VPS13C: variants seen among roughly 807,000 people sequenced by gnomAD.
VPS13C encodes the protein vacuolar protein sorting 13 homolog C.
Under a neutral mutation model 456.8 loss-of-function variants are expected in VPS13C, and 358 were observed. The observed-to-expected ratio is 0.78, with a 90% confidence interval of 0.72 to 0.86. The LOEUF is 0.86. Ranked by LOEUF, VPS13C falls within the 40% of genes least tolerant of loss-of-function variation. VPS13C has a pLI of 0.00. For synonymous variants in VPS13C, 1,578 were observed against 1,486.7 expected, an observed-to-expected ratio of 1.06 and a Z score of -1.41; for missense variants, 4,818 against 4,385.4, an observed-to-expected ratio of 1.10 and a Z score of -2.79.
Position 61,983,584 on chromosome 15 carries a change from T to C in VPS13C, c.1914+236A>G, listed in dbSNP as rs1035362184. 1.2e-5 allele frequency: 5 copies of C among 423,760 alleles called. No homozygotes were observed. In the East Asian group the frequency reaches 2.1e-4, roughly 18 times the overall value. 26.2% of individuals were successfully genotyped at this position (423,760 alleles called of 1,614,324 possible). On this transcript the variant is annotated intron_variant, in intron 20 of 84. Transcript: ENST00000644861. ...AATTTTTAAAAGTATATTAGATTTTTTAAAATTTAACAAAGGCGTAGATAA... is the reference window on the plus strand; with the variant it reads ...AATTTTTAAAAGTATATTAGATTTTCTAAAATTTAACAAAGGCGTAGATAA...
At chr15:61,913,195 G>T in intron 62 of VPS13C, 116 bp downstream of exon 62, 1 of 888,882 alleles carries the variant, frequency 1.1e-6, no homozygotes, top group Non-Finnish European at 1.8e-6. Flanking sequence ...ATACCCAAAG[G>T]ACTATAAATC....
chr15:61,873,538 A>G lies in VPS13C; in HGVS notation c.10415-129T>C, dbSNP rs543985280. 82 of 900,694 alleles carry G rather than the reference A, an allele frequency of 9.1e-5. 1 individual carries two copies. Among genetic ancestry groups the G allele is most frequent in the Non-Finnish European group, 1.3e-4 (81 of 611,700 alleles). 55.8% of individuals were successfully genotyped at this position (900,694 alleles called of 1,614,324 possible). On this transcript the variant is annotated intron_variant, in intron 77 of 84. Coordinates refer to ENST00000644861, the MANE Select transcript of VPS13C (RefSeq NM_020821.3). ...GAATAAATATTTCTGAAAAGGAGACATACAAATGGCCAACAAGTATATGAA... is the reference window on the plus strand; with the variant it reads ...GAATAAATATTTCTGAAAAGGAGACGTACAAATGGCCAACAAGTATATGAA...
chr15:61,971,736 G>T (rs1220159796), intron 27 of VPS13C, among the ~76,000 whole-genome samples: 1 of 152,186 alleles, frequency 6.6e-6, no homozygotes, highest in African/African-American at 2.4e-5. Context: ...TGAATTTAGG[G>T]TCATGGGATT....
At chr15:61,952,001 T>G (rs1179908315) in intron 38 of VPS13C, 21 bp from the exon 39 acceptor site, 1 of 1,606,248 alleles carries the variant, frequency 6.2e-7, no homozygotes, top group Non-Finnish European at 8.5e-7. Flanking sequence ...GTACCAGTAT[T>G]ACCACCAACT....
At chr15:61,977,025 T>G in intron 24 of VPS13C, 57 bp downstream of exon 24, 1 of 1,220,944 alleles carries the variant, frequency 8.2e-7, no homozygotes, top group Non-Finnish European at 1.2e-6. Context: ...TTCTAGCAAC[T>G]GATGCAGACA....
chr15:61,951,784 G>T, intron 39 of VPS13C, 40 bp downstream of exon 39: 1 of 1,568,312 alleles, frequency 6.4e-7, no homozygotes, highest in Non-Finnish European at 8.7e-7. Context: ...GGGATCATCT[G>T]CCTAATGAAT....
Position 62,041,367 on chromosome 15 carries a change from C to A in VPS13C, c.145-1G>T. On this transcript the variant is annotated splice_acceptor_variant, in intron 2 of 84. Coordinates refer to ENST00000644861, the MANE Select transcript of VPS13C (RefSeq NM_020821.3). LOFTEE classifies it high-confidence loss of function. Reference sequence around the variant, plus strand: ...CTTTAAAAGGAACATCCAATTCACTCTTCAGAAGAAAGAGAAAATGTAAAG... The same window carrying A: ...CTTTAAAAGGAACATCCAATTCACTATTCAGAAGAAAGAGAAAATGTAAAG... 6.2e-7 allele frequency: 1 copy of A among 1,603,628 alleles called. No homozygotes were observed. The highest frequency in any genetic ancestry group is 8.5e-7 in the Non-Finnish European group (1 of 1,177,546).
At chr15:62,052,370 T>C (rs57422239) in intron 1 of VPS13C, among the ~76,000 whole-genome samples, 8,509 of 152,186 alleles carry the variant, frequency 0.056, 441 homozygotes, top group African/African-American at 0.13. Context: ...ATTTTAATGA[T>C]TTATGTTTTA....
At chr15:61,990,024 T>G (rs2046176109) in intron 18 of VPS13C, among the ~76,000 whole-genome samples, 1 of 152,124 alleles carries the variant, frequency 6.6e-6, no homozygotes, top group African/African-American at 2.4e-5. Flanking sequence ...AAATAAGATG[T>G]GGTATTTTCA....
At position 61,890,230 on chromosome 15, in the gene VPS13C, G is replaced by A; in HGVS notation, c.9276C>T (p.His3092=). 6.2e-7 allele frequency: 1 copy of A among 1,614,070 alleles called. No individual in the cohort carries two copies. Among genetic ancestry groups the A allele is most frequent in the South Asian group, 1.1e-5 (1 of 91,074 alleles). The change falls in exon 67 of 85, where the codon CAC becomes CAT. Residue 3092 remains histidine, a synonymous_variant. Transcript: ENST00000644861. The part of the protein sequence containing the change: ...QADYEITLSL[H]SLGLSLVNNE... ...TGTTAACCAGTGAAAGCCCAAGACT[G>A]TGGAGAGACAAGGTTATTTCATAAT...
rs756115125 is a variant in VPS13C at position 61,954,409 on chromosome 15, A to G, written c.4299+12T>C. The G allele has an allele frequency of 1.9e-6, 3 of 1,600,924 alleles. No homozygotes were observed. The highest frequency in any genetic ancestry group is 3.5e-5 in the Admixed American group (2 of 56,964). On this transcript the variant is annotated intron_variant, in intron 38 of 84. Transcript: ENST00000644861. ...TCACCTCACTTTACAAAAACAGATG[A>G]AAATTACACACCTCTTTAATTTCAA...
intron 5 of VPS13C, among the ~76,000 whole-genome samples, chr15:62,031,432 A>G (rs1197845363): frequency 6.6e-6 from 1 of 152,022 alleles, no homozygotes; most frequent in Non-Finnish European, 1.5e-5. Context: ...GTTGTCCTCT[A>G]TCATTCACAT....
intron 21 of VPS13C, 76 bp from the exon 22 acceptor site, chr15:61,981,554 A>G (rs1356398119): frequency 2.1e-6 from 3 of 1,426,436 alleles, no homozygotes; most frequent in Non-Finnish European, 2.8e-6. Context: ...AACTAGAATA[A>G]GAGTTTTACT....
At chr15:62,021,297 TA>T (rs1164844326) in intron 8 of VPS13C, among the ~76,000 whole-genome samples, 4 of 151,664 alleles carry the variant, frequency 2.6e-5, no homozygotes, top group Non-Finnish European at 5.9e-5. Context: ...TTACACATTT[TA>T]AAAAAAAGGC....
At chr15:61,927,023 T>C in intron 52 of VPS13C, 68 bp downstream of exon 52, 1 of 1,386,044 alleles carries the variant, frequency 7.2e-7, no homozygotes. Context: ...TCTCATATTC[T>C]AGGATTCTAT....
chr15:62,000,300 G>A (rs1196881982), intron 16 of VPS13C, among the ~76,000 whole-genome samples: 2 of 152,122 alleles, frequency 1.3e-5, no homozygotes, highest in Non-Finnish European at 2.9e-5. Context: ...GGGAGGCAGA[G>A]GCTGCAGCGA....
At chr15:61,953,985 GTGAATAAAGAAGAAAA>G (rs2044895681) in intron 38 of VPS13C, among the ~76,000 whole-genome samples, 1 of 152,108 alleles carries the variant, frequency 6.6e-6, no homozygotes. Flanking sequence ...TGTTGGATGG[GTGAATAAAGAAGAAAA>G]TGTATTTCAT....
intron 16 of VPS13C, 73 bp from the exon 17 acceptor site, chr15:61,991,875 A>G: frequency 6.6e-7 from 1 of 1,506,180 alleles, no homozygotes; most frequent in Non-Finnish European, 8.9e-7. Context: ...CCTGGGAAAA[A>G]AAAACAATGG....
intron 73 of VPS13C, among the ~76,000 whole-genome samples, chr15:61,880,358 C>T (rs1256721814): frequency 2.0e-5 from 3 of 152,042 alleles, no homozygotes; most frequent in East Asian, 1.9e-4. Flanking sequence ...AATTAAGAAA[C>T]GCTTTTGTCA....
Sources: allele counts gnomAD v4.1 joint callset (sites outside exome capture counted in the v4.1 genomes callset), GRCh38; gene constraint gnomAD v4.1.1; transcripts MANE v1.5; gene names NCBI Gene and HGNC (gene_info 2026-07-23, HGNC 2026-07-21).